Variants in SYN3 observed in about 807,000 individuals in gnomAD.
SYN3 encodes synapsin-3.
Under a neutral mutation model 65.8 loss-of-function variants are expected in SYN3, and 35 were observed. The observed-to-expected ratio is 0.53, with a 90% CI of 0.41 to 0.70. SYN3 has a LOEUF of 0.70. SYN3 is among the 30% of genes least tolerant of loss of function. SYN3 has a pLI of 0.00. For synonymous variants in SYN3, 270 were observed against 292.9 expected (o/e 0.92, Z 0.80); for missense variants, 680 against 749.0 (o/e 0.91, Z 1.08).
intron 6 of SYN3, among the ~76,000 whole-genome samples, chr22:32,840,704 C>G (rs2047874525): frequency 6.6e-6 from 1 of 152,152 alleles, no homozygotes; most frequent in East Asian, 1.9e-4. Flanking sequence ...ACGCAGCAAA[C>G]TGAGTCTCTT....
intron 6 of SYN3, among the ~76,000 whole-genome samples, chr22:32,781,694 T>C (rs2046069973): frequency 6.6e-6 from 1 of 150,872 alleles, no homozygotes; most frequent in Non-Finnish European, 1.5e-5. Context: ...AATATTATTA[T>C]TATTATTGTT....
chr22:32,689,707 G>A (rs2060637330), intron 6 of SYN3, among the ~76,000 whole-genome samples: 3 of 152,274 alleles, frequency 2.0e-5, no homozygotes, highest in African/African-American at 2.4e-5. Flanking sequence ...CAAGAGGGTC[G>A]AGGAGAGAGC....
At chr22:32,937,214 A>T (rs1472249614) in intron 3 of SYN3, among the ~76,000 whole-genome samples, 2 of 152,256 alleles carry the variant, frequency 1.3e-5, no homozygotes, top group Admixed American at 6.5e-5. Flanking sequence ...ACTGTTATAA[A>T]GAGGTTCTCA....
rs536108929 is a variant in SYN3 at position 32,617,380 on chromosome 22, G to C, written c.712-20644C>G. On this transcript the variant is annotated intron_variant, in intron 6 of 13. Coordinates refer to ENST00000358763, the MANE Select transcript of SYN3 (RefSeq NM_003490.4). ...ACGTGGAGGTGATGAGATTGGGCAC[G>C]TCCTGGAACTGGGCAATGGGAATAC... Among the ~76,000 whole-genome samples the C allele has an allele frequency of 2.0e-5, 3 of 152,234 alleles. No homozygotes were observed. In the East Asian group the frequency reaches 5.8e-4, roughly 29 times the overall value.
intron 6 of SYN3, among the ~76,000 whole-genome samples, chr22:32,648,578 T>A (rs1016042002): frequency 1.3e-5 from 2 of 152,300 alleles, no homozygotes; most frequent in Admixed American, 6.5e-5. Flanking sequence ...AGCACAGCAT[T>A]GGTTAGAAAT....
intron 6 of SYN3, among the ~76,000 whole-genome samples, chr22:32,657,092 C>A (rs1255626337): frequency 6.6e-6 from 1 of 152,102 alleles, no homozygotes; most frequent in Non-Finnish European, 1.5e-5. Context: ...AGAGACTCTG[C>A]ATTTGCCCTC....
At chr22:32,829,827 C>A (rs2047522552) in intron 6 of SYN3, among the ~76,000 whole-genome samples, 1 of 152,228 alleles carries the variant, frequency 6.6e-6, no homozygotes, top group Non-Finnish European at 1.5e-5. Flanking sequence ...CTCTGACGTA[C>A]CACTTTTGGC....
intron 6 of SYN3, among the ~76,000 whole-genome samples, chr22:32,647,894 A>AT (rs1291113471): frequency 1.3e-5 from 2 of 151,796 alleles, no homozygotes; most frequent in Non-Finnish European, 2.9e-5. Flanking sequence ...TATTTTTAAT[A>AT]TTTTTTTACA....
chr22:32,813,956 ATT>A (rs2046985737), intron 6 of SYN3, among the ~76,000 whole-genome samples: 1 of 152,124 alleles, frequency 6.6e-6, no homozygotes, highest in Admixed American at 6.5e-5. Flanking sequence ...CCATCATATT[ATT>A]ACTACATGGT....
intron 12 of SYN3, 36 bp downstream of exon 12, chr22:32,527,882 G>C (rs1488864544): frequency 5.2e-6 from 8 of 1,552,750 alleles, no homozygotes; most frequent in African/African-American, 1.4e-5. Flanking sequence ...CACCCTCACT[G>C]CATGCTTTCT....
At chr22:32,784,469 T>C (rs1382420486) in intron 6 of SYN3, among the ~76,000 whole-genome samples, 1 of 152,172 alleles carries the variant, frequency 6.6e-6, no homozygotes, top group Non-Finnish European at 1.5e-5. Context: ...GAACCAAATG[T>C]TGCCATCAAT....
At chr22:32,621,555 C>A (rs1197955215) in intron 6 of SYN3, among the ~76,000 whole-genome samples, 2 of 152,070 alleles carry the variant, frequency 1.3e-5, no homozygotes, top group Non-Finnish European at 2.9e-5. Flanking sequence ...GCACAGGAGC[C>A]CTGGGCTTGG....
rs2047014788 is a variant in SYN3 at position 32,814,309 on chromosome 22, G to GAC, written c.711+50605_711+50606insGT. ...AGAGGGAAGGAAGGAAGGAGAGAGA[G>GAC]AGAGAGACAGAAAGAAAGAAAGAAA... On this transcript the variant is annotated intron_variant, in intron 6 of 13. Coordinates refer to ENST00000358763, the MANE Select transcript of SYN3 (RefSeq NM_003490.4). Among the ~76,000 whole-genome samples, 5 of 4,020 alleles carry GAC rather than the reference G, an allele frequency of 1.2e-3. No individual in the cohort carries two copies. The Admixed American group carries it at 0.013, about 10-fold the overall frequency. The allele number at this position is 4,020 out of a possible 152,430, so 2.6% of individuals were successfully genotyped here.
intron 6 of SYN3, among the ~76,000 whole-genome samples, chr22:32,662,495 C>T (rs1486563171): frequency 6.6e-6 from 1 of 152,162 alleles, no homozygotes; most frequent in Non-Finnish European, 1.5e-5. Flanking sequence ...AGTCAGTGTT[C>T]CAAAGCACAT....
intron 6 of SYN3, among the ~76,000 whole-genome samples, chr22:32,785,800 C>T (rs1055819966): frequency 3.3e-5 from 5 of 152,170 alleles, no homozygotes; most frequent in Admixed American, 1.3e-4. Flanking sequence ...ACCAGGCCAA[C>T]GCAAGCTCTC....
chr22:33,018,018 T>A (rs2053498729), intron 1 of SYN3, among the ~76,000 whole-genome samples: 1 of 152,156 alleles, frequency 6.6e-6, no homozygotes, highest in South Asian at 2.1e-4. Flanking sequence ...AGGGGTCAGA[T>A]CATGAAGGGC....
chr22:32,674,142 G>C (rs1215378226), intron 6 of SYN3, among the ~76,000 whole-genome samples: 1 of 152,134 alleles, frequency 6.6e-6, no homozygotes, highest in African/African-American at 2.4e-5. Flanking sequence ...GTAGGAGAGG[G>C]AGAAGGAGAG....
intron 6 of SYN3, among the ~76,000 whole-genome samples, chr22:32,699,208 C>A (rs115923060): frequency 0.011 from 1,639 of 152,296 alleles, 19 homozygotes; most frequent in South Asian, 0.037. Context: ...AGTGCCCCCA[C>A]CATGGAGTAC....
chr22:32,659,938 T>C (rs2060193946), intron 6 of SYN3, among the ~76,000 whole-genome samples: 1 of 152,228 alleles, frequency 6.6e-6, no homozygotes. Flanking sequence ...CAGCAAATCA[T>C]GTTTGCTGTT....
Sources: allele counts gnomAD v4.1 joint callset (sites outside exome capture counted in the v4.1 genomes callset), GRCh38; gene constraint gnomAD v4.1.1; transcripts MANE v1.5; gene names NCBI Gene and HGNC (gene_info 2026-07-23, HGNC 2026-07-21).